Variants in NID2 observed in about 807,000 individuals in gnomAD.
The protein encoded by NID2 is nidogen-2.
NID2 carries 83 observed loss-of-function variants against 145.4 expected under a neutral mutation model. The observed-to-expected ratio is 0.57, with a 90% CI of 0.48 to 0.69. The LOEUF is 0.69. Among genes scored for constraint, NID2 ranks in the 30% least tolerant of loss-of-function variants. NID2 has a pLI of 0.00. For missense variants in NID2, 1,807 were observed against 1,765.7 expected, an observed-to-expected ratio of 1.02 and a Z score of -0.42; for synonymous variants, 739 against 701.3, an observed-to-expected ratio of 1.05 and a Z score of -0.85.
At chr14:52,063,860 C>A (rs780052874) in intron 2 of NID2, among the ~76,000 whole-genome samples, 1 of 152,202 alleles carries the variant, frequency 6.6e-6, no homozygotes, top group Non-Finnish European at 1.5e-5. Context: ...TGCACTAAAT[C>A]CTACAGATCC....
intron 12 of NID2, among the ~76,000 whole-genome samples, chr14:52,022,113 T>TA (rs1466105196): frequency 6.6e-6 from 1 of 152,248 alleles, no homozygotes; most frequent in Non-Finnish European, 1.5e-5. Context: ...TTCTTATTGT[T>TA]ACTTTTGAAC....
At chr14:52,043,011 C>G (rs1432718265) in intron 5 of NID2, 80 bp from the exon 6 acceptor site, 1 of 1,363,308 alleles carries the variant, frequency 7.3e-7, no homozygotes, top group African/African-American at 1.4e-5. Flanking sequence ...AACATCTGCT[C>G]CATAGAAGCA....
intron 14 of NID2, among the ~76,000 whole-genome samples, chr14:52,018,257 G>A (rs1046675040): frequency 5.3e-5 from 8 of 152,194 alleles, no homozygotes; most frequent in African/African-American, 7.2e-5. Flanking sequence ...AAGCTGTGTC[G>A]GAATCATTTT....
At chr14:52,011,855 C>T (rs183683784) in intron 16 of NID2, 172 bp from the exon 17 acceptor site, 12 of 710,716 alleles carry the variant, frequency 1.7e-5, no homozygotes, top group African/African-American at 1.1e-4. Context: ...TAGGCTCAGC[C>T]ACTTAGTAGC....
At chr14:52,059,094 T>C (rs1459126694) in intron 3 of NID2, among the ~76,000 whole-genome samples, 3 of 152,228 alleles carry the variant, frequency 2.0e-5, no homozygotes, top group African/African-American at 2.4e-5. Flanking sequence ...GGCAATTTAC[T>C]TAACTTCCCT....
At chr14:52,045,969 G>T (rs548387429) in intron 5 of NID2, among the ~76,000 whole-genome samples, 2 of 152,100 alleles carry the variant, frequency 1.3e-5, no homozygotes, top group African/African-American at 4.8e-5. Context: ...GCCAGAAGTC[G>T]CATTTCTTCT....
Position 52,005,767 on chromosome 14 carries a change from T to C in NID2, c.4087A>G (p.Ile1363Val). The part of the protein sequence containing the change: ...LPEQRSHLYG[I>V]TAVYPYCPTG... ...GGGCAGTAGGGGTAGACTGCAGTTA[T>C]CCCGTAGAGGTGAGATCGTTGTTCT... Residue 1363 changes from isoleucine (I) to valine (V), a missense_variant, in exon 21 of 22, where the codon ATA becomes GTA. Ile to Val is a conservative substitution (Grantham distance 29, BLOSUM62 3). Coordinates refer to ENST00000216286, the MANE Select transcript of NID2 (RefSeq NM_007361.4). 6.2e-7 allele frequency: 1 copy of C among 1,613,868 alleles called. No homozygotes were observed. Among genetic ancestry groups the C allele is most frequent in the East Asian group, 2.2e-5 (1 of 44,890 alleles).
chr14:52,012,358 C>T (rs931419085), intron 16 of NID2, among the ~76,000 whole-genome samples: 1 of 152,186 alleles, frequency 6.6e-6, no homozygotes, highest in Non-Finnish European at 1.5e-5. Flanking sequence ...AATCCCTGTC[C>T]GTTGGGAGGC....
chr14:52,042,125 T>C lies in NID2; in HGVS notation c.1805A>G (p.Glu602Gly). ...CTCACCTGCGAGGCTGAAGCCGTTC[T>C]CAGAGCCAGGTTTTTCTAAAGCAAA... ...WLFALEKPGS[E>G]NGFSLAGAAF... Residue 602 changes from glutamate (E) to glycine (G), a missense_variant, in exon 7 of 22, where the codon GAG becomes GGG. Glu to Gly is a moderately conservative substitution (Grantham distance 98). Coordinates refer to ENST00000216286, the MANE Select transcript of NID2 (RefSeq NM_007361.4). 1 of 1,603,628 alleles carries C rather than the reference T, an allele frequency of 6.2e-7. No homozygotes were observed. Among genetic ancestry groups the C allele is most frequent in the Non-Finnish European group, 8.5e-7 (1 of 1,173,228 alleles).
At chr14:52,035,472 T>C (rs1490523714) in intron 9 of NID2, among the ~76,000 whole-genome samples, 2 of 152,172 alleles carry the variant, frequency 1.3e-5, no homozygotes, top group African/African-American at 4.8e-5. Flanking sequence ...AAAATCAGTC[T>C]TCACAGGTGA....
chr14:52,034,163 A>G (rs1891975804), intron 9 of NID2, among the ~76,000 whole-genome samples: 1 of 152,182 alleles, frequency 6.6e-6, no homozygotes, highest in Non-Finnish European at 1.5e-5. Flanking sequence ...AAAATTCTAA[A>G]GAAAACAAGC....
At chr14:52,057,040 ATTAC>A (rs1425748519) in intron 3 of NID2, among the ~76,000 whole-genome samples, 1 of 152,098 alleles carries the variant, frequency 6.6e-6, no homozygotes, top group African/African-American at 2.4e-5. Flanking sequence ...TTTACTCTTA[ATTAC>A]TTATTTATTT....
At chr14:52,035,854 GTGTATA>G (rs1249469214) in intron 9 of NID2, among the ~76,000 whole-genome samples, 1 of 36,074 alleles carries the variant, frequency 2.8e-5, no homozygotes, top group Non-Finnish European at 5.9e-5. Flanking sequence ...AAATTTTTTT[GTGTATA>G]TATATATATA....
intron 5 of NID2, among the ~76,000 whole-genome samples, chr14:52,050,628 T>C (rs1202489888): frequency 1.3e-5 from 2 of 152,180 alleles, no homozygotes; most frequent in African/African-American, 4.8e-5. Flanking sequence ...ACTTTTTTTT[T>C]CAGACAATAT....
In NID2 at chr14:52,030,446, T is replaced by C. The variant is rs1285410237; in HGVS notation, c.2258-756A>G. ...TGAAGCCAGGAGTTCAAGACCAGCC[T>C]GGGCAATATGCCAAGACCTTATCTC... On this transcript the variant is annotated intron_variant, in intron 9 of 21. Coordinates refer to ENST00000216286, the MANE Select transcript of NID2 (RefSeq NM_007361.4). Among the ~76,000 whole-genome samples the C allele has an allele frequency of 5.7e-5, 8 of 140,110 alleles. No individual in the cohort carries two copies. The Admixed American group carries it at 6.2e-4, about 11-fold the overall frequency. The allele number at this position is 140,110 out of a possible 152,430, so 91.9% of individuals were successfully genotyped here.
At chr14:52,066,032 G>A (rs1021743423) in intron 2 of NID2, among the ~76,000 whole-genome samples, 1 of 151,782 alleles carries the variant, frequency 6.6e-6, no homozygotes, top group South Asian at 2.1e-4. Flanking sequence ...TAATGGGATG[G>A]CTGGGTCAAA....
In NID2 at chr14:52,029,553, A is replaced by G; in HGVS notation, c.2395T>C (p.Cys799Arg). 6.2e-7 allele frequency: 1 copy of G among 1,611,892 alleles called. No homozygotes were observed. Among genetic ancestry groups the G allele is most frequent in the Non-Finnish European group, 8.5e-7 (1 of 1,178,226 alleles). ...ACGAGAACATGGCTCTTACCCACAC[A>G]GTTCCGTCCATCTCCCTGGTACCCA... ...ASGYQGDGRN[C>R]VDENECATGF... is the part of the protein sequence containing the mutation. Residue 799 changes from cysteine (C) to arginine (R), a missense_variant, in exon 10 of 22, where the codon TGT becomes CGT. By Grantham distance (180) the Cys-to-Arg change is radical (BLOSUM62 -3). Coordinates refer to ENST00000216286, the MANE Select transcript of NID2 (RefSeq NM_007361.4).
chr14:52,057,058 G>C (rs1476688773), intron 3 of NID2, among the ~76,000 whole-genome samples: 1 of 152,138 alleles, frequency 6.6e-6, no homozygotes, highest in Non-Finnish European at 1.5e-5. Context: ...TTTATTTAGA[G>C]GTAGGGTCTC....
intron 2 of NID2, among the ~76,000 whole-genome samples, chr14:52,066,725 A>G (rs979481): frequency 0.39 from 59,437 of 152,040 alleles, 13,234 homozygotes; most frequent in East Asian, 0.74. Context: ...ATAGTGAAGA[A>G]GCATTTCCGT....
Sources: allele counts gnomAD v4.1 joint callset (sites outside exome capture counted in the v4.1 genomes callset), GRCh38; gene constraint gnomAD v4.1.1; transcripts MANE v1.5; gene names NCBI Gene and HGNC (gene_info 2026-07-23, HGNC 2026-07-21).